Variants in PC observed in about 807,000 individuals in gnomAD.
PC encodes pyruvate carboxylase.
Under a neutral mutation model 107.8 loss-of-function variants are expected in PC, and 46 were observed. The observed-to-expected ratio is 0.43, with a 90% CI of 0.34 to 0.55. The LOEUF (loss-of-function observed/expected upper bound fraction) is 0.55, where lower values mean the gene tolerates loss of function less well. PC is among the 20% of genes least tolerant of loss of function. PC has a pLI of 0.04. For synonymous variants in PC, 662 were observed against 684.7 expected (o/e 0.97, Z 0.52); for missense variants, 1,241 against 1,643.1 (o/e 0.76, Z 4.23).
At chr11:66,930,682 T>C (rs1283754430) in intron 3 of PC, among the ~76,000 whole-genome samples, 1 of 146,002 alleles carries the variant, frequency 6.8e-6, no homozygotes, top group Non-Finnish European at 1.5e-5. Context: ...TCAGAGGTTG[T>C]AGTGAGCCAA....
intron 3 of PC, among the ~76,000 whole-genome samples, chr11:66,935,623 C>CG (rs374486696): frequency 7.9e-5 from 12 of 152,270 alleles, no homozygotes; most frequent in African/African-American, 2.2e-4. Flanking sequence ...TCCTGTGGAA[C>CG]GGCAGCATAT....
chr11:66,852,871 TG>T lies in PC; in HGVS notation c.1514-36del. Reference sequence around the variant, plus strand: ...AAGCGGGCAGTGGGTCAGGGTGGGCTGGGCAGAGGCTGAGTCGAGGGCAGCA... The same window carrying T: ...AAGCGGGCAGTGGGTCAGGGTGGGCTGGCAGAGGCTGAGTCGAGGGCAGCA... On this transcript the variant is annotated intron_variant, in intron 13 of 22. Coordinates refer to ENST00000393960, the MANE Select transcript of PC (RefSeq NM_001040716.2). The surrounding 1 kb of genome is among the most constrained non-coding windows in gnomAD (Gnocchi z 4.7). 1.4e-6 allele frequency: 2 copies of T among 1,420,464 alleles called. No individual in the cohort carries two copies. The highest frequency in any genetic ancestry group is 1.9e-6 in the Non-Finnish European group (2 of 1,028,968). 88.0% of individuals were successfully genotyped at this position (1,420,464 alleles called of 1,614,324 possible). A position where few individuals can be genotyped will look rare whatever the true frequency, so the allele number is the denominator to read the frequency against.
chr11:66,872,837 A>G (rs1275484705), intron 3 of PC, among the ~76,000 whole-genome samples: 1 of 148,840 alleles, frequency 6.7e-6, no homozygotes, highest in Non-Finnish European at 1.5e-5. Flanking sequence ...GGAGTTCGAG[A>G]CCAGCCTGGC....
Position 66,866,765 on chromosome 11 carries a change from G to A in PC, c.1023-416C>T, listed in dbSNP as rs1254164712. 2.6e-5 allele frequency among the ~76,000 whole-genome samples: 4 copies of A among 152,192 alleles called. No homozygotes were observed. Among genetic ancestry groups the A allele is most frequent in the African/African-American group, 9.7e-5 (4 of 41,436 alleles). On this transcript the variant is annotated intron_variant, in intron 10 of 22. Coordinates refer to ENST00000393960, the MANE Select transcript of PC (RefSeq NM_001040716.2). The surrounding 1 kb of genome is among the most constrained non-coding windows in gnomAD (Gnocchi z 5.4). ...GCCTCAGCAGATCTCTAGGTCAGAGGGCCAGGATAGCACATTCTTGGGGCC... is the reference window on the plus strand; with the variant it reads ...GCCTCAGCAGATCTCTAGGTCAGAGAGCCAGGATAGCACATTCTTGGGGCC...
At chr11:66,891,455 G>A (rs749772652) in intron 3 of PC, among the ~76,000 whole-genome samples, 7 of 151,808 alleles carry the variant, frequency 4.6e-5, no homozygotes, top group African/African-American at 7.3e-5. Context: ...GTACAATGGC[G>A]CGATCTCAGC....
rs1292530604 is a variant in PC, at chr11:66,851,943, G to T, written c.1829C>A (p.Ala610Asp). The T allele has an allele frequency of 1.2e-6, 2 of 1,613,872 alleles. No homozygotes were observed. The highest frequency in any genetic ancestry group is 1.7e-5 in the Admixed American group (1 of 60,024). Reference protein sequence around the residue: ...KLFSMENWGGATFDVAMRFLY... With the variant: ...KLFSMENWGGDTFDVAMRFLY... ...GAAGCGCATGGCGACGTCAAACGTG[G>T]CTCCTGCACAGGAACCGAGAGGCCC... is the stretch of plus-strand genomic sequence containing the variant. The change falls in exon 16 of 23, where the codon GCC (alanine) becomes GAC (aspartate). Residue 610 changes from alanine to aspartate, a missense_variant. Ala to Asp is a moderately radical substitution (Grantham distance 126, BLOSUM62 -2). Around this residue, in one of 2 missense-constraint regions of PC, gnomAD observed 1,143 missense variants for 1,551.9 expected, o/e 0.74. Transcript: ENST00000393960.
intron 3 of PC, among the ~76,000 whole-genome samples, chr11:66,949,673 AAAAT>A (rs1187441570): frequency 2.0e-5 from 3 of 152,140 alleles, no homozygotes; most frequent in Non-Finnish European, 4.4e-5. Context: ...CATCGCAAAA[AAAAT>A]AAATAAATAA....
chr11:66,897,594 G>A (rs569413357), intron 3 of PC, among the ~76,000 whole-genome samples: 72 of 152,066 alleles, frequency 4.7e-4, no homozygotes, highest in African/African-American at 1.6e-3. Flanking sequence ...AACAAAAAGC[G>A]AATAAAATAC....
chr11:66,943,775 A>G (rs1431867056), intron 3 of PC, among the ~76,000 whole-genome samples: 5 of 147,194 alleles, frequency 3.4e-5, no homozygotes, highest in South Asian at 2.1e-4. Flanking sequence ...AAAAAAAAAA[A>G]AAAAAAAAAA....
intron 3 of PC, among the ~76,000 whole-genome samples, chr11:66,873,900 T>A (rs1946877858): frequency 6.6e-6 from 1 of 151,954 alleles, no homozygotes; most frequent in African/African-American, 2.4e-5. Flanking sequence ...CCCAAGTAGC[T>A]GGGATTATAG....
chr11:66,948,600 G>A (rs766735543), intron 3 of PC, among the ~76,000 whole-genome samples: 5 of 152,204 alleles, frequency 3.3e-5, no homozygotes, highest in Admixed American at 6.5e-5. Context: ...AGCACTTTGG[G>A]AGGCCAAGGC....
Position 66,936,903 on chromosome 11 carries a change from G to A in PC, c.-1+15527C>T, listed in dbSNP as rs1002971931. Reference sequence around the variant, plus strand: ...CTCCCAGGCTGGAATGCAGTGGCGCGATCTTGGCTCACTGCAACCTCCGCC... The same window carrying A: ...CTCCCAGGCTGGAATGCAGTGGCGCAATCTTGGCTCACTGCAACCTCCGCC... On this transcript the variant is annotated intron_variant, in intron 3 of 22. Transcript: ENST00000393960. Among the ~76,000 whole-genome samples the A allele has an allele frequency of 1.2e-4, 18 of 152,012 alleles. No homozygotes were observed. In the East Asian group the frequency reaches 1.7e-3, roughly 15 times the overall value.
intron 3 of PC, among the ~76,000 whole-genome samples, chr11:66,937,683 A>AT (rs1949031970): frequency 6.7e-6 from 1 of 150,268 alleles, no homozygotes; most frequent in African/African-American, 2.5e-5. Context: ...AAGCTTGCTG[A>AT]TTTTTTTCTG....
At chr11:66,916,808 T>C (rs1473862330) in intron 3 of PC, among the ~76,000 whole-genome samples, 1 of 151,374 alleles carries the variant, frequency 6.6e-6, no homozygotes, top group South Asian at 2.1e-4. Flanking sequence ...CAAAAAATTA[T>C]CCGGGCGTGG....
At chr11:66,935,262 T>C (rs1009601337) in intron 3 of PC, among the ~76,000 whole-genome samples, 3 of 152,228 alleles carry the variant, frequency 2.0e-5, no homozygotes, top group Admixed American at 6.5e-5. Flanking sequence ...TAGATACTGA[T>C]TGCCACGTAA....
In PC at chr11:66,858,884, G is replaced by A. The variant is rs1485683775; in HGVS notation, c.1368+4890C>T. The A allele has an allele frequency of 1.3e-6, 2 of 1,560,500 alleles. No individual in the cohort carries two copies. Among genetic ancestry groups the A allele is most frequent in the Non-Finnish European group, 1.7e-6 (2 of 1,152,332 alleles). On this transcript the variant is annotated intron_variant, in intron 12 of 22. Transcript: ENST00000393960. This position sits in a 1 kb window ranked among gnomAD's most constrained non-coding sequence, Gnocchi z 5.9. ...CCCATGGTGGGAACAGCAGTGCCGAGGGGGGCCGCCCCGGGCCCTCGGACA... is the reference window on the plus strand; with the variant it reads ...CCCATGGTGGGAACAGCAGTGCCGAAGGGGGCCGCCCCGGGCCCTCGGACA...
At position 66,871,236 on chromosome 11, in the gene PC, CG is replaced by C; in HGVS notation, c.488-40del. 1 of 1,613,180 alleles carries C rather than the reference CG, an allele frequency of 6.2e-7. No individual in the cohort carries two copies. The highest frequency in any genetic ancestry group is 8.5e-7 in the Non-Finnish European group (1 of 1,179,474). ...GGTGTGGGGGAGTCTCTGTAACAGG[CG>C]GGAATCCCTGCCACCCCTCCCTGCT... On this transcript the variant is annotated intron_variant, in intron 6 of 22. Coordinates refer to ENST00000393960, the MANE Select transcript of PC (RefSeq NM_001040716.2). This position sits in a 1 kb window ranked among gnomAD's most constrained non-coding sequence, Gnocchi z 7.4.
Position 66,908,977 on chromosome 11 carries a change from AG to A in PC, c.1-36819del, listed in dbSNP as rs1948251912. Among the ~76,000 whole-genome samples, 3 of 152,156 alleles carry A rather than the reference AG, an allele frequency of 2.0e-5. No individual in the cohort carries two copies. In the South Asian group the frequency reaches 6.2e-4, roughly 32 times the overall value. On this transcript the variant is annotated intron_variant, in intron 3 of 22. Coordinates refer to ENST00000393960, the MANE Select transcript of PC (RefSeq NM_001040716.2). ...TGCTTCCCTTCCAGCCCATGAAGGAAGGGGGCTACCCGGAAGGTGAGCTCAG... is the reference window on the plus strand; with the variant it reads ...TGCTTCCCTTCCAGCCCATGAAGGAAGGGGCTACCCGGAAGGTGAGCTCAG...
Position 66,858,603 on chromosome 11 carries a change from A to G in PC, c.1368+5171T>C, listed in dbSNP as rs1184651090. The G allele has an allele frequency of 1.3e-6, 2 of 1,534,884 alleles. No individual in the cohort carries two copies. The highest frequency in any genetic ancestry group is 1.7e-6 in the Non-Finnish European group (2 of 1,144,118). The stretch of plus-strand genomic sequence containing the variant: ...TGAGCCGCCCCTCATTGCCCGCCAC[A>G]CGCAGCGCCTCTGGGTGCTGGAAGG... On this transcript the variant is annotated intron_variant, in intron 12 of 22. Coordinates refer to ENST00000393960, the MANE Select transcript of PC (RefSeq NM_001040716.2). This position sits in a 1 kb window ranked among gnomAD's most constrained non-coding sequence, Gnocchi z 5.9.
Sources: gnomAD v4.1 joint callset for allele counts (sites outside exome capture counted in the v4.1 genomes callset) on GRCh38, gnomAD v4.1.1 for gene constraint, gnomAD v4.1.1 regional missense constraint, Gnocchi (gnomAD v3.1) non-coding constraint, MANE v1.5 for transcripts, NCBI Gene and HGNC (gene_info 2026-07-23, HGNC 2026-07-21) for gene names.